Variants in SATB1 observed in about 807,000 individuals in gnomAD.
The protein encoded by SATB1 is SATB homeobox 1.
In SATB1, 11 loss-of-function variants were observed where a neutral mutation model predicts 86.9. The observed-to-expected ratio is 0.13, with a 90% CI of 0.08 to 0.21. The LOEUF (loss-of-function observed/expected upper bound fraction) is 0.21. Ranked by LOEUF, SATB1 falls within the 10% of genes least tolerant of loss-of-function variation. The pLI is 1.00. For missense variants in SATB1, 551 were observed against 937.6 expected, an observed-to-expected ratio of 0.59 and a Z score of 5.39; for synonymous variants, 357 against 357.2, an observed-to-expected ratio of 1.00 and a Z score of 0.01.
At position 18,444,908 on chromosome 3, in the gene SATB1, C is replaced by T. The variant is rs1312577417; in HGVS notation, c.-25+610G>A. 4 of 23,078 alleles carry T rather than the reference C, an allele frequency of 1.7e-4. No individual in the cohort carries two copies. The highest frequency in any genetic ancestry group is 4.9e-3 in the East Asian group (2 of 410). 1.4% of individuals were successfully genotyped at this position (23,078 alleles called of 1,614,324 possible). A position where few individuals can be genotyped will look rare whatever the true frequency, so the allele number is the denominator to read the frequency against. On this transcript the variant is annotated intron_variant, in intron 1 of 3. Coordinates refer to the SATB1 transcript ENST00000415069. This position sits in a 1 kb window ranked among gnomAD's most constrained non-coding sequence, Gnocchi z 5.1. Reference sequence around the variant, plus strand: ...GGGGGAGGGAGGAGATGTTAACGGGCGGGGGGGGGAGAAGGGGGAGGGGGC... The same window carrying T: ...GGGGGAGGGAGGAGATGTTAACGGGTGGGGGGGGGAGAAGGGGGAGGGGGC...
At chr3:18,428,225 G>A (rs1002222853), upstream of SATB1, among the ~76,000 whole-genome samples, 1 of 152,124 alleles carries the variant, frequency 6.6e-6, no homozygotes, top group Non-Finnish European at 1.5e-5. Context: ...TCCTGTGGTG[G>A]CACTGGATAT....
At position 18,349,656 on chromosome 3, in the gene SATB1, C is replaced by CTGCTGT. The variant is rs757019065; in HGVS notation, c.1800_1805dup (p.Gln606_Gln607dup). On this transcript the variant is annotated inframe_insertion, in exon 11 of 11. Transcript: ENST00000338745. This position sits in a 1 kb window ranked among gnomAD's most constrained non-coding sequence, Gnocchi z 5.5. Reference sequence around the variant, plus strand: ...GCGGCGGTGCCTGCTGCTGCTGCTGCTGCTGTTGCTGTTGCTGCTGCTGTT... The same window carrying CTGCTGT: ...GCGGCGGTGCCTGCTGCTGCTGCTGCTGCTGTTGCTGTTGCTGTTGCTGCTGCTGTT... The CTGCTGT allele has an allele frequency of 1.7e-5, 28 of 1,609,530 alleles. No individual in the cohort carries two copies. Among genetic ancestry groups the CTGCTGT allele is most frequent in the East Asian group, 4.5e-5 (2 of 44,794 alleles).
chr3:18,385,003 T>G (rs992336380), intron 8 of SATB1, among the ~76,000 whole-genome samples: 25 of 152,356 alleles, frequency 1.6e-4, no homozygotes, highest in African/African-American at 6.0e-4. Context: ...AAATGGATTT[T>G]GTGACATTTC....
chr3:18,401,601 G>A (rs1213420099), intron 5 of SATB1, among the ~76,000 whole-genome samples: 2 of 152,040 alleles, frequency 1.3e-5, no homozygotes, highest in Non-Finnish European at 2.9e-5. Context: ...TAAACCAACC[G>A]ACAAAACTCA....
At chr3:18,399,789 G>A (rs1471057063) in intron 5 of SATB1, among the ~76,000 whole-genome samples, 2 of 152,096 alleles carry the variant, frequency 1.3e-5, no homozygotes, top group East Asian at 3.9e-4. Flanking sequence ...ATCTTTTTGT[G>A]CTTTTGGGTG....
chr3:18,363,224 A>C lies in SATB1; in HGVS notation c.1576-11029T>G, dbSNP rs117660266. Among the ~76,000 whole-genome samples the C allele has an allele frequency of 1.4e-4, 21 of 152,252 alleles. 1 individual carries two copies. The East Asian group carries it at 3.9e-3, about 28-fold the overall frequency. On this transcript the variant is annotated intron_variant, in intron 9 of 10. Transcript: ENST00000338745. ...TAGGGAATCACACCCTAAGAGGAAC[A>C]AGCAAGCAGGGTCACTATGAGCTCC... is the stretch of plus-strand genomic sequence containing the variant.
Position 18,352,041 on chromosome 3 carries a change from T to C in SATB1, c.1730A>G (p.His577Arg). 1 of 1,614,244 alleles carries C rather than the reference T, an allele frequency of 6.2e-7. No individual in the cohort carries two copies. Among genetic ancestry groups the C allele is most frequent in the Non-Finnish European group, 8.5e-7 (1 of 1,180,034 alleles). The stretch of plus-strand genomic sequence containing the variant: ...GATAATGTGGGGCGGCCTGTCGCCA[T>C]GGTGATGCACCGCGTTGCTCTCCTG... ...YEQESNAVHH[H>R]GDRPPHIIHV... Residue 577 changes from histidine (H) to arginine (R), a missense_variant, in exon 10 of 11, where the codon CAT (histidine) becomes CGT (arginine). Physicochemically the swap from His to Arg is conservative, Grantham distance 29. Around this residue, in one of 8 missense-constraint regions of SATB1, gnomAD observed 87 missense variants for 103.6 expected, o/e 0.84. Coordinates refer to ENST00000338745, the MANE Select transcript of SATB1 (RefSeq NM_002971.6). This position sits in a 1 kb window ranked among gnomAD's most constrained non-coding sequence, Gnocchi z 4.1.
At chr3:18,363,459 A>G (rs1264378151) in intron 9 of SATB1, among the ~76,000 whole-genome samples, 1 of 152,174 alleles carries the variant, frequency 6.6e-6, no homozygotes, top group East Asian at 1.9e-4. Flanking sequence ...CAATAAAAGG[A>G]GACAAGGGAG....
At chr3:18,429,578 C>CT (rs1355869110), upstream of SATB1, among the ~76,000 whole-genome samples, 3 of 152,360 alleles carry the variant, frequency 2.0e-5, no homozygotes, top group South Asian at 2.1e-4. The surrounding 1 kb of genome is among the most constrained non-coding windows in gnomAD (Gnocchi z 4.1). Context: ...CTGCCCTACT[C>CT]TGAGAGCTGT....
chr3:18,375,721 T>C (rs1314166205), intron 9 of SATB1, among the ~76,000 whole-genome samples: 1 of 152,200 alleles, frequency 6.6e-6, no homozygotes, highest in African/African-American at 2.4e-5. Context: ...GTTAGTGATA[T>C]ACACAGGTTT....
intron 2 of SATB1, among the ~76,000 whole-genome samples, chr3:18,417,948 C>T (rs1426835802): frequency 2.0e-5 from 3 of 151,992 alleles, no homozygotes; most frequent in Admixed American, 6.6e-5. Context: ...TAATAAGCAC[C>T]GGCCACACTA....
intron 5 of SATB1, among the ~76,000 whole-genome samples, chr3:18,397,969 C>A (rs1324342738): frequency 1.3e-5 from 2 of 152,152 alleles, no homozygotes; most frequent in Non-Finnish European, 2.9e-5. Flanking sequence ...AAGAGAAAAA[C>A]ATTCTGCAAT....
chr3:18,444,740 CCGG>C lies in SATB1; in HGVS notation c.-25+775_-25+777del. ...GCCTCTCCTGCCGCCGCCGCCGCCG[CCGG>C]AGCTGCGGCTGCCGCGGAAGTTAAT... On this transcript the variant is annotated intron_variant, in intron 1 of 3. Transcript: ENST00000415069. The surrounding 1 kb of genome is among the most constrained non-coding windows in gnomAD (Gnocchi z 5.1). The C allele has an allele frequency of 1.3e-6, 1 of 745,704 alleles. No individual in the cohort carries two copies. The highest frequency in any genetic ancestry group is 1.6e-6 in the Non-Finnish European group (1 of 611,422). 46.2% of individuals were successfully genotyped at this position (745,704 alleles called of 1,614,324 possible).
intron 9 of SATB1, among the ~76,000 whole-genome samples, chr3:18,376,952 G>A (rs1475904737): frequency 6.6e-6 from 1 of 152,148 alleles, no homozygotes; most frequent in Non-Finnish European, 1.5e-5. Context: ...CAGGCATGTG[G>A]CCTATAAAGC....
chr3:18,378,142 AT>A, intron 9 of SATB1, 27 bp downstream of exon 9: 1 of 1,532,920 alleles, frequency 6.5e-7, no homozygotes, highest in Non-Finnish European at 8.7e-7. Flanking sequence ...ACAGATAAAC[AT>A]TCTCAATGCC....
Position 18,424,029 on chromosome 3 carries a change from T to G in SATB1, c.-427A>C, listed in dbSNP as rs547834934. 2.6e-5 allele frequency: 4 copies of G among 151,712 alleles called. No homozygotes were observed. The South Asian group carries it at 6.3e-4, about 24-fold the overall frequency. 9.4% of individuals were successfully genotyped at this position (151,712 alleles called of 1,614,324 possible). On this transcript the variant is annotated 5_prime_UTR_variant, in exon 1 of 11. Coordinates refer to ENST00000338745, the MANE Select transcript of SATB1 (RefSeq NM_002971.6). Reference sequence around the variant, plus strand: ...TAAAATTGATCTGACAAGTGATTCGTTGGGGGGAAATCGTAAAAACAAAGC... The same window carrying G: ...TAAAATTGATCTGACAAGTGATTCGGTGGGGGGAAATCGTAAAAACAAAGC...
chr3:18,425,994 G>A (rs1309942210), upstream of SATB1, among the ~76,000 whole-genome samples: 1 of 152,172 alleles, frequency 6.6e-6, no homozygotes, highest in African/African-American at 2.4e-5. Context: ...GGGACAGGGA[G>A]ACGCACCGGC....
At chr3:18,368,597 C>T (rs1193307242) in intron 9 of SATB1, among the ~76,000 whole-genome samples, 6 of 152,078 alleles carry the variant, frequency 3.9e-5, no homozygotes, top group Admixed American at 3.3e-4. Flanking sequence ...AAAAAACCCC[C>T]ACTATTCTTT....
intron 9 of SATB1, among the ~76,000 whole-genome samples, chr3:18,371,242 A>G (rs768668041): frequency 6.6e-6 from 1 of 152,194 alleles, no homozygotes; most frequent in Non-Finnish European, 1.5e-5. Context: ...TTAATATACA[A>G]CAGAAGTAGA....
Sources: gnomAD v4.1 joint callset for allele counts (sites outside exome capture counted in the v4.1 genomes callset) on GRCh38, gnomAD v4.1.1 for gene constraint, gnomAD v4.1.1 regional missense constraint, Gnocchi (gnomAD v3.1) non-coding constraint, MANE v1.5 for transcripts, NCBI Gene and HGNC (gene_info 2026-07-23, HGNC 2026-07-21) for gene names.